The following NCALD variants were observed in gnomAD, a reference collection of about 807,000 sequenced individuals.
NCALD encodes neurocalcin delta, also known as neurocalcin-delta.
A neutral mutation model predicts 18.6 loss-of-function variants in NCALD; 10 were observed. The ratio of observed to expected loss-of-function variants is 0.54; its 90% CI spans 0.33 to 0.91. The LOEUF is 0.91. Ranked by LOEUF, NCALD falls within the 40% of genes least tolerant of loss-of-function variation. The pLI, the probability that NCALD is intolerant of heterozygous loss-of-function variation, is 0.03. For synonymous variants in NCALD, 88 were observed against 87.4 expected (o/e 1.01, Z -0.04); for missense variants, 184 against 247.6 (o/e 0.74, Z 1.72).
intron 4 of NCALD, among the ~76,000 whole-genome samples, chr8:101,825,924 C>G (rs1053340551): frequency 6.6e-6 from 1 of 152,190 alleles, no homozygotes; most frequent in African/African-American, 2.4e-5. Context: ...GGATTTCGCC[C>G]ACAGGCCATA....
At chr8:101,823,649 A>G (rs896592413) in intron 4 of NCALD, among the ~76,000 whole-genome samples, 9 of 152,238 alleles carry the variant, frequency 5.9e-5, no homozygotes, top group East Asian at 1.9e-4. Flanking sequence ...AATGGACATT[A>G]CAGGTCTGAT....
intron 2 of NCALD, among the ~76,000 whole-genome samples, chr8:101,990,883 G>A (rs1292980492): frequency 1.3e-5 from 2 of 152,154 alleles, no homozygotes. Context: ...TATCATAAAA[G>A]TAACTTGCAG....
intron 1 of NCALD, among the ~76,000 whole-genome samples, chr8:102,091,372 G>A (rs1824918681): frequency 6.6e-6 from 1 of 152,190 alleles, no homozygotes; most frequent in Non-Finnish European, 1.5e-5. Context: ...TTTAGTCTTA[G>A]TTGTTTTTGA....
intron 1 of NCALD, among the ~76,000 whole-genome samples, chr8:102,108,414 C>T (rs1825541690): frequency 1.3e-5 from 2 of 152,130 alleles, no homozygotes; most frequent in African/African-American, 4.8e-5. Flanking sequence ...TCTCTAAGAC[C>T]ATTTGAGCTT....
intron 1 of NCALD, among the ~76,000 whole-genome samples, chr8:102,097,434 T>A (rs1201865109): frequency 2.2e-4 from 34 of 152,186 alleles, no homozygotes. Context: ...GGTGCTTAAG[T>A]GCATGGTGAC....
At chr8:101,728,856 G>T (rs1445140613) in intron 1 of NCALD, among the ~76,000 whole-genome samples, 1 of 152,026 alleles carries the variant, frequency 6.6e-6, no homozygotes, top group Non-Finnish European at 1.5e-5. Flanking sequence ...CAAAAAGCAC[G>T]CAAAAAAAGT....
At chr8:101,989,300 G>A (rs1026864269) in intron 2 of NCALD, among the ~76,000 whole-genome samples, 1 of 152,280 alleles carries the variant, frequency 6.6e-6, no homozygotes, top group East Asian at 1.9e-4. Context: ...ATTCACTACA[G>A]CCCTTTGAAA....
At chr8:101,970,228 T>A (rs1820189197) in intron 2 of NCALD, among the ~76,000 whole-genome samples, 1 of 152,336 alleles carries the variant, frequency 6.6e-6, no homozygotes, top group Admixed American at 6.5e-5. Context: ...ACCTCTTTAA[T>A]GCCTTCTACT....
chr8:101,960,082 C>A (rs1819782363), intron 2 of NCALD, among the ~76,000 whole-genome samples: 1 of 152,176 alleles, frequency 6.6e-6, no homozygotes, highest in Admixed American at 6.5e-5. Context: ...AGGACTGAGC[C>A]TGCCTTTAGA....
intron 1 of NCALD, among the ~76,000 whole-genome samples, chr8:102,061,119 G>A (rs1341845070): frequency 6.6e-6 from 1 of 152,140 alleles, no homozygotes; most frequent in Non-Finnish European, 1.5e-5. Context: ...AGAGGTTCTG[G>A]AGAAAGAACA....
At chr8:102,099,855 C>T (rs918180487) in intron 1 of NCALD, among the ~76,000 whole-genome samples, 1 of 151,726 alleles carries the variant, frequency 6.6e-6, no homozygotes. Flanking sequence ...ACTTGTAATC[C>T]CAGCTACTCA....
At chr8:101,908,409 A>T (rs139622077) in intron 3 of NCALD, among the ~76,000 whole-genome samples, 168 of 152,242 alleles carry the variant, frequency 1.1e-3, no homozygotes, top group African/African-American at 3.8e-3. Context: ...AACTTTCCTA[A>T]GTCACATATT....
chr8:101,836,053 T>C (rs937138535), intron 4 of NCALD, among the ~76,000 whole-genome samples: 2 of 151,994 alleles, frequency 1.3e-5, no homozygotes, highest in Non-Finnish European at 1.5e-5. Context: ...TCATCATCTG[T>C]GGAACTACAT....
intron 2 of NCALD, chr8:101,694,182 A>C (rs1308903353): frequency 6.6e-6 from 1 of 152,200 alleles, no homozygotes. Context: ...TTTTAGAAAA[A>C]ATAGATTTTG....
chr8:101,696,036 T>G (rs1365604468), intron 2 of NCALD, among the ~76,000 whole-genome samples: 1 of 152,166 alleles, frequency 6.6e-6, no homozygotes, highest in Non-Finnish European at 1.5e-5. Context: ...TGAAACCCCT[T>G]AAAGACTTAA....
At chr8:101,720,928 T>C (rs1816323622) in intron 1 of NCALD, among the ~76,000 whole-genome samples, 1 of 152,050 alleles carries the variant, frequency 6.6e-6, no homozygotes, top group Non-Finnish European at 1.5e-5. Flanking sequence ...CAGGGGATGG[T>C]GGTAACAGTG....
chr8:101,903,310 C>A (rs1817502325), intron 3 of NCALD, among the ~76,000 whole-genome samples: 1 of 151,906 alleles, frequency 6.6e-6, no homozygotes, highest in South Asian at 2.1e-4. Context: ...GATTCTCCTG[C>A]CTCAGCCTCC....
chr8:101,730,819 T>C (rs1816795656), intron 1 of NCALD, among the ~76,000 whole-genome samples: 1 of 152,256 alleles, frequency 6.6e-6, no homozygotes, highest in Admixed American at 6.5e-5. Context: ...GTTCTTCATG[T>C]CATTGGCAAG....
At chr8:101,783,423 C>T (rs1216770932) in intron 1 of NCALD, among the ~76,000 whole-genome samples, 1 of 152,150 alleles carries the variant, frequency 6.6e-6, no homozygotes, top group Non-Finnish European at 1.5e-5. Context: ...TGTTAAGAGG[C>T]ATAAGATTTT....
Sources: gnomAD v4.1 joint callset for allele counts (sites outside exome capture counted in the v4.1 genomes callset) on GRCh38, gnomAD v4.1.1 for gene constraint, MANE v1.5 for transcripts, NCBI Gene and HGNC (gene_info 2026-07-23, HGNC 2026-07-21) for gene names.